SLC25A33: variants seen among roughly 807,000 people sequenced by gnomAD.
The protein encoded by SLC25A33 is bone marrow stromal cell mitochondrial carrier protein.
Under a neutral mutation model 35.5 loss-of-function variants are expected in SLC25A33, and 15 were observed. The observed-to-expected ratio is 0.42, with a 90% CI of 0.28 to 0.65. The LOEUF is 0.65. Among genes scored for constraint, SLC25A33 ranks in the 30% least tolerant of loss-of-function variants. SLC25A33 has a pLI of 0.20. For missense variants in SLC25A33, 257 were observed against 398.5 expected (o/e 0.64, Z 3.02); for synonymous variants, 136 against 148.7 (o/e 0.91, Z 0.62).
rs889471002 is a variant in SLC25A33 at position 9,568,163 on chromosome 1, C to T, written c.314+802C>T. ...AGTAGATTAAAAACTGCTTCCAGGC[C>T]GGCTGTGGTGGCTCACCTGTGTAAT... On this transcript the variant is annotated intron_variant, in intron 3 of 6. Coordinates refer to ENST00000302692, the MANE Select transcript of SLC25A33 (RefSeq NM_032315.3). 3.4e-4 allele frequency among the ~76,000 whole-genome samples: 51 copies of T among 152,162 alleles called. 1 individual carries two copies. The highest frequency in any genetic ancestry group is 2.8e-3 in the Admixed American group (43 of 15,268).
intron 2 of SLC25A33, among the ~76,000 whole-genome samples, chr1:9,559,743 G>T (rs2100388550): frequency 6.6e-6 from 1 of 152,286 alleles, no homozygotes; most frequent in East Asian, 1.9e-4. Flanking sequence ...CTGCTACCAT[G>T]TGGGTTGAAG....
chr1:9,556,263 G>A (rs144934207), intron 2 of SLC25A33: 13 of 982,444 alleles, frequency 1.3e-5, no homozygotes, highest in Non-Finnish European at 1.6e-5. Flanking sequence ...GACAGGTAAT[G>A]TTACTTCAGT....
Position 9,580,116 on chromosome 1 carries a change from A to G in SLC25A33, c.645A>G (p.Lys215=), listed in dbSNP as rs560102442. 1 of 1,612,594 alleles carries G rather than the reference A, an allele frequency of 6.2e-7. No individual in the cohort carries two copies. Among genetic ancestry groups the G allele is most frequent in the African/African-American group, 1.3e-5 (1 of 74,898 alleles). Residue 215 remains lysine, a synonymous_variant, in exon 6 of 7, where the codon AAA becomes AAG. Transcript: ENST00000302692. ...AIYESLKKYL[K]EAPLASSANG... is the part of the protein sequence containing the mutation. Reference sequence around the variant, plus strand: ...ATGAAAGTTTAAAGAAGTATCTGAAAGAAGCTCCATTAGCCTCTTCTGCAA... The same window carrying G: ...ATGAAAGTTTAAAGAAGTATCTGAAGGAAGCTCCATTAGCCTCTTCTGCAA...
chr1:9,544,387 G>C (rs1258332100), intron 1 of SLC25A33, among the ~76,000 whole-genome samples: 1 of 151,220 alleles, frequency 6.6e-6, no homozygotes, highest in African/African-American at 2.4e-5. Context: ...TCGTGCCTCA[G>C]CCTCCCGAGG....
In SLC25A33 at chr1:9,582,378, A is replaced by G. The variant is rs540927557; in HGVS notation, c.843A>G (p.Glu281=). Residue 281 remains glutamate (E), a synonymous_variant, in exon 7 of 7, where the codon GAA becomes GAG. Transcript: ENST00000302692. This position sits in a 1 kb window ranked among gnomAD's most constrained non-coding sequence, Gnocchi z 4.0. The part of the protein sequence containing the change: ...FVQTARLVFR[E]EGYLAFYRGL... ...AGACGGCGCGCCTGGTGTTCCGGGA[A>G]GAAGGCTACCTTGCCTTTTATAGAG... is the stretch of plus-strand genomic sequence containing the variant. The G allele has an allele frequency of 2.5e-6, 4 of 1,614,016 alleles. No individual in the cohort carries two copies. In the Admixed American group the frequency reaches 5.0e-5, roughly 20 times the overall value.
At chr1:9,544,486 C>T (rs1643139170) in intron 1 of SLC25A33, among the ~76,000 whole-genome samples, 1 of 151,962 alleles carries the variant, frequency 6.6e-6, no homozygotes, top group African/African-American at 2.4e-5. Context: ...CCAGACTGGT[C>T]TCGAACTACT....
intron 2 of SLC25A33, among the ~76,000 whole-genome samples, chr1:9,566,289 C>T (rs1158856893): frequency 1.3e-5 from 2 of 152,142 alleles, no homozygotes; most frequent in African/African-American, 4.8e-5. Context: ...GATCCTCCTA[C>T]CTGGACCTCC....
chr1:9,545,737 A>G (rs1643157429), intron 1 of SLC25A33, among the ~76,000 whole-genome samples: 1 of 150,394 alleles, frequency 6.6e-6, no homozygotes, highest in Non-Finnish European at 1.5e-5. Flanking sequence ...AGGCAGGTGG[A>G]TCACTTGAGG....
intron 1 of SLC25A33, among the ~76,000 whole-genome samples, chr1:9,551,523 C>G (rs923056517): frequency 6.6e-5 from 10 of 152,156 alleles, no homozygotes; most frequent in Admixed American, 6.6e-5. Flanking sequence ...CATAAACATT[C>G]TATATGTCCA....
intron 5 of SLC25A33, among the ~76,000 whole-genome samples, chr1:9,579,227 G>A (rs1459314574): frequency 3.3e-5 from 5 of 152,116 alleles, no homozygotes; most frequent in African/African-American, 4.8e-5. Flanking sequence ...ACCAAACAGC[G>A]GACACCAGCT....
chr1:9,555,453 AG>A (rs1321880953), intron 2 of SLC25A33, among the ~76,000 whole-genome samples: 2 of 152,176 alleles, frequency 1.3e-5, no homozygotes, highest in Non-Finnish European at 2.9e-5. Context: ...TAGATAAGGC[AG>A]GATGAGTTGG....
At chr1:9,557,234 G>A (rs1174540758) in intron 2 of SLC25A33, among the ~76,000 whole-genome samples, 3 of 152,178 alleles carry the variant, frequency 2.0e-5, no homozygotes, top group African/African-American at 7.2e-5. Flanking sequence ...TGCTCGGCAT[G>A]AATACTTTTA....
intron 4 of SLC25A33, among the ~76,000 whole-genome samples, chr1:9,571,157 G>A (rs1409117664): frequency 1.3e-5 from 2 of 152,112 alleles, no homozygotes; most frequent in Non-Finnish European, 2.9e-5. Flanking sequence ...TTCTAGTAGG[G>A]TCAGTGACAG....
At chr1:9,561,478 A>T (rs537559500) in intron 2 of SLC25A33, among the ~76,000 whole-genome samples, 143 of 152,170 alleles carry the variant, frequency 9.4e-4, no homozygotes, top group South Asian at 3.5e-3. Context: ...ATGAGTCTGG[A>T]TCCTTCTGGG....
chr1:9,566,977 G>A (rs1290206881), intron 2 of SLC25A33, among the ~76,000 whole-genome samples: 1 of 151,852 alleles, frequency 6.6e-6, no homozygotes, highest in Non-Finnish European at 1.5e-5. Flanking sequence ...CCAGTGAGCC[G>A]AGATCATGTT....
intron 1 of SLC25A33, among the ~76,000 whole-genome samples, chr1:9,547,559 A>G (rs1406365178): frequency 1.3e-5 from 2 of 152,174 alleles, no homozygotes; most frequent in Admixed American, 6.6e-5. Context: ...GTCTTCAAAT[A>G]GTGCCCATTT....
chr1:9,572,788 C>G (rs1643609541), intron 4 of SLC25A33, among the ~76,000 whole-genome samples: 1 of 151,036 alleles, frequency 6.6e-6, no homozygotes, highest in African/African-American at 2.4e-5. Context: ...GGAGGTTTGG[C>G]TGGGTGTGTT....
intron 2 of SLC25A33, among the ~76,000 whole-genome samples, chr1:9,565,738 C>T (rs1417523365): frequency 6.6e-6 from 1 of 150,776 alleles, no homozygotes; most frequent in Non-Finnish European, 1.5e-5. Context: ...ATTAGCCGGG[C>T]GTGGTGGCGG....
rs150982982 is a variant in SLC25A33 at position 9,552,976 on chromosome 1, G to A, written c.57-650G>A. ...TCTGTTGCCCAGGCTGGAGTGCAAT[G>A]GCAAGATCTCCGCTCACTGCAACCT... On this transcript the variant is annotated intron_variant, in intron 1 of 6. Coordinates refer to ENST00000302692, the MANE Select transcript of SLC25A33 (RefSeq NM_032315.3). Among the ~76,000 whole-genome samples the A allele has an allele frequency of 5.3e-3, 724 of 137,778 alleles. 19 individuals carry two copies. Among genetic ancestry groups the A allele is most frequent in the Admixed American group, 0.037 (473 of 12,708 alleles). 90.4% of individuals were successfully genotyped at this position (137,778 alleles called of 152,430 possible). A position where few individuals can be genotyped will look rare whatever the true frequency, so the allele number is the denominator to read the frequency against.
Sources: allele counts gnomAD v4.1 joint callset (sites outside exome capture counted in the v4.1 genomes callset), GRCh38; gene constraint gnomAD v4.1.1; non-coding constraint Gnocchi (gnomAD v3.1); transcripts MANE v1.5; gene names NCBI Gene and HGNC (gene_info 2026-07-23, HGNC 2026-07-21).